The following SPOCK3 variants were observed in gnomAD, a reference collection of about 807,000 sequenced individuals.
SPOCK3 encodes testican-3.
Under a neutral mutation model 56.6 loss-of-function variants are expected in SPOCK3, and 30 were observed. That is an observed-to-expected ratio of 0.53 (90% CI 0.40 to 0.72). The LOEUF is 0.72. Among genes scored for constraint, SPOCK3 ranks in the 30% least tolerant of loss-of-function variants. SPOCK3 has a pLI of 0.00. For synonymous variants in SPOCK3, 196 were observed against 183.3 expected (o/e 1.07, Z -0.56); for missense variants, 527 against 530.0 (o/e 0.99, Z 0.06).
chr4:167,024,482 A>T (rs1419148633), intron 3 of SPOCK3, among the ~76,000 whole-genome samples: 2 of 152,062 alleles, frequency 1.3e-5, no homozygotes, highest in African/African-American at 4.8e-5. Context: ...TATGTAAGAG[A>T]TGCCCTGAGA....
At chr4:166,937,856 C>T (rs546272398) in intron 4 of SPOCK3, among the ~76,000 whole-genome samples, 29 of 149,622 alleles carry the variant, frequency 1.9e-4, no homozygotes, top group African/African-American at 5.6e-4. Flanking sequence ...CTCCGCCTCC[C>T]GGGTTCACGC....
intron 6 of SPOCK3, among the ~76,000 whole-genome samples, chr4:166,853,349 T>A (rs1231555732): frequency 6.6e-6 from 1 of 152,214 alleles, no homozygotes; most frequent in Non-Finnish European, 1.5e-5. Context: ...TTTACATCAA[T>A]TTTATAACAT....
intron 6 of SPOCK3, among the ~76,000 whole-genome samples, chr4:166,842,667 C>T (rs1747564657): frequency 6.6e-6 from 1 of 151,936 alleles, no homozygotes; most frequent in Non-Finnish European, 1.5e-5. Flanking sequence ...TTGGCACATC[C>T]ACCAACCCTG....
chr4:167,020,229 AC>A (rs34329870), intron 3 of SPOCK3, among the ~76,000 whole-genome samples: 3 of 152,046 alleles, frequency 2.0e-5, no homozygotes, highest in Admixed American at 2.0e-4. Flanking sequence ...AAATATGGAA[AC>A]CCATGCATTC....
intron 6 of SPOCK3, among the ~76,000 whole-genome samples, chr4:166,864,425 C>A (rs1439952956): frequency 6.6e-6 from 1 of 151,964 alleles, no homozygotes; most frequent in Non-Finnish European, 1.5e-5. Context: ...CAAGAAATAG[C>A]TAAGATCAGG....
intron 2 of SPOCK3, among the ~76,000 whole-genome samples, chr4:167,086,662 G>T (rs7698061): frequency 0.31 from 47,827 of 151,836 alleles, 9,627 homozygotes; most frequent in African/African-American, 0.57. Flanking sequence ...CCAGAGGAAG[G>T]GTCATTAAAC....
chr4:166,954,375 C>T (rs1410864368), intron 4 of SPOCK3, among the ~76,000 whole-genome samples: 1 of 152,040 alleles, frequency 6.6e-6, no homozygotes, highest in Non-Finnish European at 1.5e-5. Flanking sequence ...ACAATTCTTG[C>T]CTATAGCAAC....
At chr4:167,214,700 G>A (rs1204339623) in intron 2 of SPOCK3, among the ~76,000 whole-genome samples, 1 of 152,060 alleles carries the variant, frequency 6.6e-6, no homozygotes, top group African/African-American at 2.4e-5. Flanking sequence ...GTGAATCTTA[G>A]AATGAATCAT....
intron 4 of SPOCK3, among the ~76,000 whole-genome samples, chr4:166,988,336 C>A (rs1747387259): frequency 6.6e-6 from 1 of 152,072 alleles, no homozygotes; most frequent in African/African-American, 2.4e-5. Context: ...TGGATGCTTT[C>A]TCTTTTCTCT....
intron 2 of SPOCK3, among the ~76,000 whole-genome samples, chr4:167,101,675 C>A (rs1182269465): frequency 6.6e-6 from 1 of 151,538 alleles, no homozygotes; most frequent in Non-Finnish European, 1.5e-5. Flanking sequence ...CTCTAAATGC[C>A]TAAGACTCAC....
intron 7 of SPOCK3, among the ~76,000 whole-genome samples, chr4:166,776,102 G>A (rs1002871624): frequency 6.6e-6 from 1 of 152,072 alleles, no homozygotes; most frequent in African/African-American, 2.4e-5. Context: ...GACAGAAGGA[G>A]AGGAGGAAGC....
chr4:167,197,266 G>T (rs2110894507), intron 2 of SPOCK3, among the ~76,000 whole-genome samples: 1 of 152,164 alleles, frequency 6.6e-6, no homozygotes, highest in East Asian at 1.9e-4. Context: ...CTACCTAAAT[G>T]CAGAATTGTG....
chr4:167,216,477 A>G (rs1735373469), intron 2 of SPOCK3, among the ~76,000 whole-genome samples: 1 of 152,268 alleles, frequency 6.6e-6, no homozygotes, highest in Admixed American at 6.5e-5. Flanking sequence ...GGGATGGATA[A>G]TGAGGATCTG....
At chr4:166,844,261 C>T (rs1473454666) in intron 6 of SPOCK3, among the ~76,000 whole-genome samples, 1 of 152,138 alleles carries the variant, frequency 6.6e-6, no homozygotes, top group East Asian at 1.9e-4. Flanking sequence ...ACCACTTTTC[C>T]CCCACCTTTA....
chr4:167,163,247 C>T (rs55710431), intron 2 of SPOCK3, among the ~76,000 whole-genome samples: 26,706 of 144,436 alleles, frequency 0.18, 2,593 homozygotes, highest in Admixed American at 0.27. Context: ...ACTACATGAA[C>T]GTGTGTTCCT....
intron 3 of SPOCK3, among the ~76,000 whole-genome samples, chr4:167,037,230 T>A (rs1752833239): frequency 6.6e-6 from 1 of 152,114 alleles, no homozygotes; most frequent in Admixed American, 6.5e-5. Flanking sequence ...ACACCTGGAA[T>A]ACCAGCAAGT....
chr4:166,824,219 C>T (rs966763105), intron 6 of SPOCK3, among the ~76,000 whole-genome samples: 6 of 152,100 alleles, frequency 3.9e-5, no homozygotes, highest in African/African-American at 1.4e-4. Flanking sequence ...TTGTTACTAA[C>T]TCTAGTGACC....
intron 6 of SPOCK3, among the ~76,000 whole-genome samples, chr4:166,884,195 TACAAAAAATTAACCG>T (rs1733958972): frequency 6.6e-6 from 1 of 151,828 alleles, no homozygotes; most frequent in South Asian, 2.1e-4. Context: ...CTACTAAAAA[TACAAAAAATTAACCG>T]GGCGTGGTGG....
intron 2 of SPOCK3, among the ~76,000 whole-genome samples, chr4:167,108,426 T>C (rs1186331835): frequency 1.3e-5 from 2 of 151,900 alleles, no homozygotes; most frequent in African/African-American, 2.4e-5. Flanking sequence ...AACAGATGAA[T>C]GGATAAAGAA....
Sources: allele counts gnomAD v4.1 joint callset (sites outside exome capture counted in the v4.1 genomes callset), GRCh38; gene constraint gnomAD v4.1.1; transcripts MANE v1.5; gene names NCBI Gene and HGNC (gene_info 2026-07-23, HGNC 2026-07-21).